The following SDK2 variants were observed in gnomAD, a reference collection of about 807,000 sequenced individuals.
The protein encoded by SDK2 is protein sidekick-2.
SDK2 carries 105 observed loss-of-function variants against 253.9 expected under a neutral mutation model. That is an observed-to-expected ratio of 0.41 (90% confidence interval 0.35 to 0.49). The LOEUF (loss-of-function observed/expected upper bound fraction) is 0.49, where lower values mean the gene tolerates loss of function less well. Ranked by LOEUF, SDK2 falls within the 20% of genes least tolerant of loss-of-function variation. SDK2 has a pLI of 0.06. For synonymous variants in SDK2, 1,249 were observed against 1,234.9 expected (o/e 1.01, Z -0.24); for missense variants, 2,608 against 3,003.0 (o/e 0.87, Z 3.07).
chr17:73,555,352 T>C (rs1400260567), intron 1 of SDK2, among the ~76,000 whole-genome samples: 4 of 152,204 alleles, frequency 2.6e-5, no homozygotes, highest in Admixed American at 1.3e-4. Context: ...GAACAGCTCA[T>C]GCAAAGGTGT....
intron 2 of SDK2, among the ~76,000 whole-genome samples, chr17:73,475,318 A>T (rs2063678690): frequency 6.6e-6 from 1 of 152,108 alleles, no homozygotes; most frequent in Admixed American, 6.5e-5. Flanking sequence ...CGCCCAGCTA[A>T]TTTTTGTATT....
chr17:73,408,520 C>T (rs928968587), intron 18 of SDK2, among the ~76,000 whole-genome samples: 3 of 151,988 alleles, frequency 2.0e-5, no homozygotes, highest in South Asian at 2.1e-4. Context: ...CATCACACCC[C>T]GAAGTAAAAT....
rs751021510 is a variant in SDK2 at position 73,437,988 on chromosome 17, G to A, written c.892C>T (p.Arg298Trp). 1.6e-5 allele frequency: 25 copies of A among 1,550,686 alleles called. No individual in the cohort carries two copies. Among genetic ancestry groups the A allele is most frequent in the African/African-American group, 6.8e-5 (5 of 73,050 alleles). The change falls in exon 7 of 45, where the codon CGG (arginine) becomes TGG (tryptophan). Residue 298 changes from arginine (R) to tryptophan (W), a missense_variant. Physicochemically the swap from Arg to Trp is moderately radical, Grantham distance 101. Around this residue, in one of 2 missense-constraint regions of SDK2, gnomAD observed 1,505 missense variants for 1,859.1 expected, o/e 0.81. Coordinates refer to ENST00000392650, the MANE Select transcript of SDK2 (RefSeq NM_001144952.2). ...LRSSSVPSVV[R>W]GAYLSVLEPP... The stretch of plus-strand genomic sequence containing the variant: ...CCCAGCACTGAGAGGTAGGCGCCCC[G>A]GACAACAGAGGGGACGCTGCTGCTG...
chr17:73,415,179 G>C (rs2063170317), intron 17 of SDK2, among the ~76,000 whole-genome samples: 2 of 152,028 alleles, frequency 1.3e-5, no homozygotes, highest in South Asian at 4.1e-4. Flanking sequence ...GGGTAGATTG[G>C]CCTGGGGTGG....
At chr17:73,623,073 T>G (rs79981881) in intron 1 of SDK2, among the ~76,000 whole-genome samples, 3,511 of 152,362 alleles carry the variant, frequency 0.023, 127 homozygotes, top group African/African-American at 0.08. Flanking sequence ...CCAGTTCAAA[T>G]GTCCCATCTT....
chr17:73,613,135 A>G (rs949489761), intron 1 of SDK2, among the ~76,000 whole-genome samples: 1 of 152,194 alleles, frequency 6.6e-6, no homozygotes, highest in African/African-American at 2.4e-5. Flanking sequence ...TTTTCATTTC[A>G]GGAGACTTTC....
chr17:73,444,016 G>A (rs1450872588), intron 5 of SDK2, among the ~76,000 whole-genome samples: 1 of 152,180 alleles, frequency 6.6e-6, no homozygotes, highest in Non-Finnish European at 1.5e-5. Context: ...ATGAAAGAGC[G>A]TGTGATGGTT....
At position 73,348,392 on chromosome 17, in the gene SDK2, C is replaced by T. The variant is rs113616933; in HGVS notation, c.6165+207G>A. On this transcript the variant is annotated intron_variant, in intron 44 of 44. Transcript: ENST00000392650. ...GGGTACCCCCTATGATCAAGGTTCC[C>T]GGGACCCCATTGGCACTGGCCGCAA... is the stretch of plus-strand genomic sequence containing the variant. 2.1e-3 allele frequency among the ~76,000 whole-genome samples: 313 copies of T among 152,326 alleles called. 1 individual carries two copies. Among genetic ancestry groups the T allele is most frequent in the African/African-American group, 7.2e-3 (298 of 41,562 alleles).
chr17:73,437,276 A>G (rs1321563080), intron 8 of SDK2, among the ~76,000 whole-genome samples: 2 of 152,288 alleles, frequency 1.3e-5, no homozygotes, highest in Admixed American at 1.3e-4. Context: ...AGGGGAAAGT[A>G]GAAATTCTCC....
chr17:73,560,368 G>T (rs977499987), intron 1 of SDK2, among the ~76,000 whole-genome samples: 1 of 152,214 alleles, frequency 6.6e-6, no homozygotes, highest in African/African-American at 2.4e-5. Flanking sequence ...TTGAGACGGA[G>T]CCTTGCTCTG....
rs118142409 is a variant in SDK2, at chr17:73,400,142, T to C, written c.2972-853A>G. Among the ~76,000 whole-genome samples the C allele has an allele frequency of 3.3e-3, 502 of 152,308 alleles. 16 individuals are homozygous for C. In the East Asian group the frequency reaches 0.055, roughly 17 times the overall value. ...TCAAACAAGCACTGCCTGACTGATC[T>C]GGATGGGACCACATGGTTATCTGGT... On this transcript the variant is annotated intron_variant, in intron 21 of 44. Transcript: ENST00000392650.
chr17:73,635,017 A>G (rs897417009), intron 1 of SDK2, among the ~76,000 whole-genome samples: 1 of 150,396 alleles, frequency 6.6e-6, no homozygotes, highest in Non-Finnish European at 1.5e-5. Flanking sequence ...ACAGAGTCTC[A>G]CTCTGTACCC....
At position 73,437,755 on chromosome 17, in the gene SDK2, G is replaced by A; in HGVS notation, c.984C>T (p.Ile328=). 1.2e-6 allele frequency: 2 copies of A among 1,613,926 alleles called. No individual in the cohort carries two copies. The highest frequency in any genetic ancestry group is 1.6e-4 in the Middle Eastern group (1 of 6,062). ...CCTCATTACCTTTGGCCTGACAGGG[G>A]ATGTCCACCACCTTCTCCATCTCCG... ...ITAEMEKVVD[I]PCQAKGVPPP... is the part of the protein sequence containing the mutation. Residue 328 remains isoleucine, a synonymous_variant, in exon 8 of 45, where the codon ATC becomes ATT. Transcript: ENST00000392650.
At chr17:73,588,751 G>A (rs947755192) in intron 1 of SDK2, among the ~76,000 whole-genome samples, 4 of 152,376 alleles carry the variant, frequency 2.6e-5, no homozygotes, top group Middle Eastern at 3.4e-3. Context: ...GTAGTGCGGA[G>A]ACTGGGAAGT....
rs73345938 is a variant in SDK2, at chr17:73,383,194, C to A, written c.4705+682G>T. ...CCTCTATCTGGGCGCCTGCCTCTGG[C>A]TCTCCATCCTCCCACCATGGCCAAG... On this transcript the variant is annotated intron_variant, in intron 33 of 44. Transcript: ENST00000392650. The surrounding 1 kb of genome is among the most constrained non-coding windows in gnomAD (Gnocchi z 4.3). Among the ~76,000 whole-genome samples the A allele has an allele frequency of 1.3e-5, 2 of 152,182 alleles. No individual in the cohort carries two copies. Among genetic ancestry groups the A allele is most frequent in the Admixed American group, 6.5e-5 (1 of 15,284 alleles).
chr17:73,431,789 G>A lies in SDK2; in HGVS notation c.1313-120C>T. The stretch of plus-strand genomic sequence containing the variant: ...GCCCCTGGCTCTGGAAATGCTGGAA[G>A]GAATGAGGACAGATGGCGGTGGGGC... On this transcript the variant is annotated intron_variant, in intron 10 of 44. Transcript: ENST00000392650. The surrounding 1 kb of genome is among the most constrained non-coding windows in gnomAD (Gnocchi z 5.6). The A allele has an allele frequency of 9.0e-7, 1 of 1,116,714 alleles. No individual in the cohort carries two copies. Among genetic ancestry groups the A allele is most frequent in the South Asian group, 1.7e-5 (1 of 59,622 alleles). The allele number at this position is 1,116,714 out of a possible 1,614,324, so 69.2% of individuals were successfully genotyped here.
chr17:73,593,922 T>C (rs2045719079), intron 1 of SDK2, among the ~76,000 whole-genome samples: 2 of 152,176 alleles, frequency 1.3e-5, no homozygotes. Context: ...GACAATTTGG[T>C]TGCATTATCT....
intron 36 of SDK2, among the ~76,000 whole-genome samples, chr17:73,377,438 C>G (rs529713708): frequency 1.3e-5 from 2 of 151,540 alleles, no homozygotes; most frequent in African/African-American, 2.4e-5. Context: ...AGGCTGGTCT[C>G]GATCTCCTGA....
At chr17:73,641,400 G>A (rs544520395) in intron 1 of SDK2, among the ~76,000 whole-genome samples, 11 of 152,288 alleles carry the variant, frequency 7.2e-5, no homozygotes, top group African/African-American at 1.4e-4. Context: ...TCTCTTCAGC[G>A]AAGCGGCAAA....
Sources: allele counts gnomAD v4.1 joint callset (sites outside exome capture counted in the v4.1 genomes callset), GRCh38; gene constraint gnomAD v4.1.1; regional missense constraint gnomAD v4.1.1; non-coding constraint Gnocchi (gnomAD v3.1); transcripts MANE v1.5; gene names NCBI Gene and HGNC (gene_info 2026-07-23, HGNC 2026-07-21).